PPARA: variants seen among roughly 807,000 people sequenced by gnomAD.
PPARA encodes peroxisome proliferator activated receptor alpha, also known as peroxisome proliferator-activated receptor alpha.
In PPARA, 22 loss-of-function variants were observed where a neutral mutation model predicts 42.2. The observed-to-expected ratio is 0.52, with a 90% CI of 0.37 to 0.74. PPARA has a LOEUF of 0.74. Among genes scored for constraint, PPARA ranks in the 30% least tolerant of loss-of-function variants. PPARA has a pLI of 0.00. For synonymous variants in PPARA, 242 were observed against 239.3 expected, an observed-to-expected ratio of 1.01 and a Z score of -0.10; for missense variants, 465 against 608.2, an observed-to-expected ratio of 0.76 and a Z score of 2.48.
rs1316591548 is a variant in PPARA, at chr22:46,182,390, T to A, written c.-43+5554T>A. 6.6e-6 allele frequency among the ~76,000 whole-genome samples: 1 copy of A among 152,242 alleles called. No individual in the cohort carries two copies. The highest frequency in any genetic ancestry group is 1.9e-4 in the East Asian group (1 of 5,202). On this transcript the variant is annotated intron_variant, in intron 3 of 8. Transcript: ENST00000407236. This position sits in a 1 kb window ranked among gnomAD's most constrained non-coding sequence, Gnocchi z 5.2. ...TACTTTGCAATCAAAAGGAATGGCC[T>A]ATGAATACCCATAACAACATGGATG...
chr22:46,173,279 G>A lies in PPARA; in HGVS notation c.-126-3474G>A, dbSNP rs1928376181. On this transcript the variant is annotated intron_variant, in intron 2 of 8. Coordinates refer to ENST00000407236, the MANE Select transcript of PPARA (RefSeq NM_005036.6). This position sits in a 1 kb window ranked among gnomAD's most constrained non-coding sequence, Gnocchi z 4.3. ...TTTATTTGTTGTGTTGAATAGGAATGTAGCTCTGGGAACCTCTAGTTCCAA... is the reference window on the plus strand; with the variant it reads ...TTTATTTGTTGTGTTGAATAGGAATATAGCTCTGGGAACCTCTAGTTCCAA... Among the ~76,000 whole-genome samples the A allele has an allele frequency of 6.6e-6, 1 of 152,218 alleles. No homozygotes were observed. Among genetic ancestry groups the A allele is most frequent in the Admixed American group, 6.5e-5 (1 of 15,284 alleles).
chr22:46,157,905 C>T (rs1273725605), intron 2 of PPARA, among the ~76,000 whole-genome samples: 1 of 142,042 alleles, frequency 7.0e-6, no homozygotes, highest in Non-Finnish European at 1.5e-5. Context: ...GATTTCTATT[C>T]AGATTTACTT....
rs575937371 is a variant in PPARA, at chr22:46,180,768, G to C, written c.-43+3932G>C. 1.3e-5 allele frequency among the ~76,000 whole-genome samples: 2 copies of C among 152,048 alleles called. No individual in the cohort carries two copies. The highest frequency in any genetic ancestry group is 2.9e-5 in the Non-Finnish European group (2 of 68,008). ...TAAATCCTCCTGAACCCCATCAATC[G>C]CTCCAGTTCTCTGATTTCCCACTAC... On this transcript the variant is annotated intron_variant, in intron 3 of 8. Coordinates refer to ENST00000407236, the MANE Select transcript of PPARA (RefSeq NM_005036.6). The surrounding 1 kb of genome is among the most constrained non-coding windows in gnomAD (Gnocchi z 4.2).
At chr22:46,198,800 A>G (rs1463209737) in intron 4 of PPARA, among the ~76,000 whole-genome samples, 1 of 151,732 alleles carries the variant, frequency 6.6e-6, no homozygotes, top group African/African-American at 2.4e-5. Context: ...AGCTGGGACT[A>G]CAGGTGCCCG....
At chr22:46,169,299 A>G (rs1601627717) in intron 2 of PPARA, among the ~76,000 whole-genome samples, 1 of 151,870 alleles carries the variant, frequency 6.6e-6, no homozygotes, top group South Asian at 2.1e-4. Flanking sequence ...CAGTGGCGCA[A>G]TCTCGGCTCA....
At chr22:46,151,792 G>T (rs1050080775) in intron 1 of PPARA, 96 bp from the exon 2 acceptor site, 1 of 152,266 alleles carries the variant, frequency 6.6e-6, no homozygotes, top group Non-Finnish European at 1.5e-5. Flanking sequence ...TCGTTGCGGG[G>T]CAGGGTCAGC....
At position 46,157,890 on chromosome 22, in the gene PPARA, G is replaced by C. The variant is rs527475804; in HGVS notation, c.-127+5920G>C. On this transcript the variant is annotated intron_variant, in intron 2 of 8. Transcript: ENST00000407236. ...TTAAGAGATTTGCAGATAAAGAGGA[G>C]TGAAGATTTCTATTCAGATTTACTT... Among the ~76,000 whole-genome samples, 30 of 151,572 alleles carry C rather than the reference G, an allele frequency of 2.0e-4. No individual in the cohort carries two copies. In the South Asian group the frequency reaches 6.0e-3, roughly 30 times the overall value.
In PPARA at chr22:46,204,281, A is replaced by G. The variant is rs74602206; in HGVS notation, c.208+5690A>G. Among the ~76,000 whole-genome samples the G allele has an allele frequency of 0.023, 3,503 of 152,336 alleles. 119 individuals carry two copies. Among genetic ancestry groups the G allele is most frequent in the African/African-American group, 0.08 (3,326 of 41,568 alleles). ...TTTAGGTTGTTTCTAGCTTATGGCT[A>G]TTACAAATAAAGCTGCTATGAACAT... On this transcript the variant is annotated intron_variant, in intron 4 of 8. Coordinates refer to ENST00000407236, the MANE Select transcript of PPARA (RefSeq NM_005036.6). This position sits in a 1 kb window ranked among gnomAD's most constrained non-coding sequence, Gnocchi z 5.2.
At chr22:46,155,439 C>G (rs1925158060) in intron 2 of PPARA, 1 of 152,230 alleles carries the variant, frequency 6.6e-6, no homozygotes, top group Non-Finnish European at 1.5e-5. Flanking sequence ...CTCAGTCTCC[C>G]CAGTAGCTGG....
At chr22:46,218,661 C>T (rs1934718640) in intron 6 of PPARA, among the ~76,000 whole-genome samples, 1 of 150,996 alleles carries the variant, frequency 6.6e-6, no homozygotes, top group Non-Finnish European at 1.5e-5. Flanking sequence ...TGGTGAAACC[C>T]CGTCTCTACT....
At position 46,162,720 on chromosome 22, in the gene PPARA, G is replaced by A. The variant is rs538754387; in HGVS notation, c.-127+10750G>A. ...GCTCTGGGAGCCTGTGGCTCCTGCCGGGTACCCACCGGTTGAGATACCTCA... is the reference window on the plus strand; with the variant it reads ...GCTCTGGGAGCCTGTGGCTCCTGCCAGGTACCCACCGGTTGAGATACCTCA... On this transcript the variant is annotated intron_variant, in intron 2 of 8. Transcript: ENST00000407236. This position sits in a 1 kb window ranked among gnomAD's most constrained non-coding sequence, Gnocchi z 6.0. Among the ~76,000 whole-genome samples the A allele has an allele frequency of 7.2e-5, 11 of 152,248 alleles. 1 individual carries two copies. The East Asian group carries it at 1.2e-3, about 16-fold the overall frequency.
At chr22:46,174,997 T>C (rs1445098338) in intron 2 of PPARA, among the ~76,000 whole-genome samples, 2 of 152,026 alleles carry the variant, frequency 1.3e-5, no homozygotes, top group East Asian at 1.9e-4. Context: ...CTGCAACCTC[T>C]GTCTCCTGGA....
rs1253595705 is a variant in PPARA at position 46,212,748 on chromosome 22, C to G, written c.209-2425C>G. ...CAGTGGCTCACACCTGTAATCCCAG[C>G]ATTTTGGGAGGCCAAGGCGGGCAGA... On this transcript the variant is annotated intron_variant, in intron 4 of 8. Coordinates refer to ENST00000407236, the MANE Select transcript of PPARA (RefSeq NM_005036.6). This position sits in a 1 kb window ranked among gnomAD's most constrained non-coding sequence, Gnocchi z 4.2. Among the ~76,000 whole-genome samples the G allele has an allele frequency of 6.6e-6, 1 of 152,194 alleles. No individual in the cohort carries two copies. The highest frequency in any genetic ancestry group is 1.5e-5 in the Non-Finnish European group (1 of 68,040).
In PPARA at chr22:46,233,690, T is replaced by C. The variant is rs1936036435; in HGVS notation, c.1160-1443T>C. On this transcript the variant is annotated intron_variant, in intron 8 of 8. Coordinates refer to ENST00000407236, the MANE Select transcript of PPARA (RefSeq NM_005036.6). The surrounding 1 kb of genome is among the most constrained non-coding windows in gnomAD (Gnocchi z 7.3). ...GCAGAACTATTTATATGTAGCATGA[T>C]CACAGTTTTATAAAGGAAATTATAA... 6.6e-6 allele frequency among the ~76,000 whole-genome samples: 1 copy of C among 152,238 alleles called. No homozygotes were observed. Among genetic ancestry groups the C allele is most frequent in the South Asian group, 2.1e-4 (1 of 4,836 alleles).
At chr22:46,194,255 A>G (rs1021134703) in intron 3 of PPARA, among the ~76,000 whole-genome samples, 10 of 152,224 alleles carry the variant, frequency 6.6e-5, no homozygotes, top group Non-Finnish European at 1.3e-4. Context: ...GCCTCACTCT[A>G]TATAGAGATT....
intron 7 of PPARA, chr22:46,220,284 A>G (rs950275521): frequency 8.5e-6 from 4 of 470,608 alleles, no homozygotes; most frequent in South Asian, 8.3e-5. Flanking sequence ...AAACCTTAAT[A>G]GCTTACCAAG....
Position 46,225,617 on chromosome 22 carries a change from A to G in PPARA, c.711+5603A>G, listed in dbSNP as rs2147644039. The stretch of plus-strand genomic sequence containing the variant: ...CCCACAGTCACACATCCATGCATGC[A>G]TGTGTACACAAACACACCCACACAT... On this transcript the variant is annotated intron_variant, in intron 7 of 8. Coordinates refer to ENST00000407236, the MANE Select transcript of PPARA (RefSeq NM_005036.6). This position sits in a 1 kb window ranked among gnomAD's most constrained non-coding sequence, Gnocchi z 4.1. 6.6e-6 allele frequency among the ~76,000 whole-genome samples: 1 copy of G among 151,696 alleles called. No homozygotes were observed. Among genetic ancestry groups the G allele is most frequent in the East Asian group, 1.9e-4 (1 of 5,156 alleles).
chr22:46,220,150 A>C, intron 7 of PPARA, 136 bp downstream of exon 7: 1 of 1,039,876 alleles, frequency 9.6e-7, no homozygotes, highest in African/African-American at 1.6e-5. Flanking sequence ...CGAAGATGGA[A>C]ACAGTTCATT....
chr22:46,217,350 C>T (rs532602265), intron 5 of PPARA, among the ~76,000 whole-genome samples: 6 of 152,328 alleles, frequency 3.9e-5, no homozygotes, highest in Non-Finnish European at 7.3e-5. Context: ...TGTTTTCTAA[C>T]CATATACCTT....
Sources: allele counts gnomAD v4.1 joint callset (sites outside exome capture counted in the v4.1 genomes callset), GRCh38; gene constraint gnomAD v4.1.1; non-coding constraint Gnocchi (gnomAD v3.1); transcripts MANE v1.5; gene names NCBI Gene and HGNC (gene_info 2026-07-23, HGNC 2026-07-21).